Variants in SLC9A8 observed in about 807,000 individuals in gnomAD.
The protein encoded by SLC9A8 is sodium/hydrogen exchanger 8.
SLC9A8 carries 48 observed loss-of-function variants against 66.6 expected under a neutral mutation model. The observed-to-expected ratio is 0.72, with a 90% CI of 0.57 to 0.92. SLC9A8 has a LOEUF of 0.92. Among genes scored for constraint, SLC9A8 ranks in the 40% least tolerant of loss-of-function variants. The pLI is 0.00. For synonymous variants in SLC9A8, 274 were observed against 282.6 expected (o/e 0.97, Z 0.31); for missense variants, 599 against 747.3 (o/e 0.80, Z 2.31).
chr20:49,869,725 C>T (rs563082045), intron 10 of SLC9A8, among the ~76,000 whole-genome samples: 20 of 151,904 alleles, frequency 1.3e-4, no homozygotes, highest in South Asian at 1.0e-3. Flanking sequence ...CCCAGCTACT[C>T]GGCAGGCTGA....
chr20:49,866,267 A>T (rs2088960707), intron 10 of SLC9A8, among the ~76,000 whole-genome samples: 1 of 152,182 alleles, frequency 6.6e-6, no homozygotes, highest in African/African-American at 2.4e-5. Flanking sequence ...GCAGTAGTTT[A>T]TCGTTCTTAT....
intron 3 of SLC9A8, among the ~76,000 whole-genome samples, chr20:49,828,942 CATTT>C (rs2087041062): frequency 6.7e-6 from 1 of 150,100 alleles, no homozygotes; most frequent in Non-Finnish European, 1.5e-5. Context: ...TGTATGTATG[CATTT>C]ATTTCTTTTT....
chr20:49,855,061 T>G (rs2088414001), intron 7 of SLC9A8, among the ~76,000 whole-genome samples: 1 of 152,170 alleles, frequency 6.6e-6, no homozygotes, highest in Admixed American at 6.5e-5. Context: ...AAGGGGCTGG[T>G]GGCGAGGGGC....
intron 2 of SLC9A8, among the ~76,000 whole-genome samples, chr20:49,816,023 C>G (rs147616108): frequency 1.6e-4 from 24 of 152,220 alleles, no homozygotes; most frequent in Non-Finnish European, 2.6e-4. Context: ...TAACCTCTGT[C>G]ATTCTCATTA....
Position 49,886,868 on chromosome 20 carries a change from C to T in SLC9A8, c.1608C>T (p.Asn536=). The change falls in exon 15 of 16, where the codon AAC becomes AAT. Residue 536 remains asparagine (N), a synonymous_variant. Coordinates refer to ENST00000361573, the MANE Select transcript of SLC9A8 (RefSeq NM_015266.3). This position sits in a 1 kb window ranked among gnomAD's most constrained non-coding sequence, Gnocchi z 4.8. ...GFVWLDAKYL[N]PFFTRRLTQE... ...TGTGGCTGGACGCCAAGTACCTGAACCCCTTCTTCACTCGGAGGCTGACGC... is the reference window on the plus strand; with the variant it reads ...TGTGGCTGGACGCCAAGTACCTGAATCCCTTCTTCACTCGGAGGCTGACGC... 6.2e-7 allele frequency: 1 copy of T among 1,614,152 alleles called. No individual in the cohort carries two copies. Among genetic ancestry groups the T allele is most frequent in the African/African-American group, 1.3e-5 (1 of 75,050 alleles).
At chr20:49,884,336 A>ACACACAC (rs1568884621) in intron 14 of SLC9A8, among the ~76,000 whole-genome samples, 3 of 108,524 alleles carry the variant, frequency 2.8e-5, no homozygotes, top group South Asian at 3.1e-4. Context: ...ACACACACAC[A>ACACACAC]CCCCCCGGTC....
chr20:49,820,001 T>G (rs1403173356), intron 2 of SLC9A8, among the ~76,000 whole-genome samples: 1 of 152,202 alleles, frequency 6.6e-6, no homozygotes. Context: ...CTGTGAACAT[T>G]TGTGTATAGG....
chr20:49,861,261 C>T (rs141388469), intron 8 of SLC9A8, among the ~76,000 whole-genome samples: 89 of 152,228 alleles, frequency 5.8e-4, no homozygotes, highest in Non-Finnish European at 9.3e-4. Flanking sequence ...TCAGGTGTGC[C>T]TTTGAAAAGG....
intron 4 of SLC9A8, among the ~76,000 whole-genome samples, chr20:49,840,068 C>T (rs145530109): frequency 2.1e-3 from 312 of 152,184 alleles, no homozygotes; most frequent in East Asian, 9.3e-3. Context: ...ATCATCACCT[C>T]GTTTTTACAG....
At chr20:49,874,162 G>A (rs541528687) in intron 10 of SLC9A8, among the ~76,000 whole-genome samples, 2 of 151,984 alleles carry the variant, frequency 1.3e-5, no homozygotes, top group East Asian at 3.9e-4. Flanking sequence ...GCCGAGGCAG[G>A]AGGATCACAT....
rs1391816634 is a variant in SLC9A8, at chr20:49,890,823, G to T, written c.*2887G>T. On this transcript the variant is annotated 3_prime_UTR_variant, in exon 16 of 16. Coordinates refer to ENST00000361573, the MANE Select transcript of SLC9A8 (RefSeq NM_015266.3). ...TAAGCCAGCCACCCCTCTTCACAGTGGGTGAGCTGGGCTGGGCTGGCTGGC... is the reference window on the plus strand; with the variant it reads ...TAAGCCAGCCACCCCTCTTCACAGTTGGTGAGCTGGGCTGGGCTGGCTGGC... The T allele has an allele frequency of 6.6e-6, 1 of 152,306 alleles. No individual in the cohort carries two copies. Among genetic ancestry groups the T allele is most frequent in the East Asian group, 1.9e-4 (1 of 5,190 alleles). 9.4% of individuals were successfully genotyped at this position (152,306 alleles called of 1,614,324 possible).
At chr20:49,870,865 A>G (rs559818149) in intron 10 of SLC9A8, among the ~76,000 whole-genome samples, 9 of 151,738 alleles carry the variant, frequency 5.9e-5, no homozygotes, top group Non-Finnish European at 8.8e-5. Context: ...ACCACACCCA[A>G]CTAGTTTTGT....
Position 49,889,768 on chromosome 20 carries a change from G to T in SLC9A8, c.*1832G>T, listed in dbSNP as rs941037367. ...GACCTTTGCCTGCCCCTGGGCGAGT[G>T]CGGGCAGGGATCTGAGACCAGATTG... On this transcript the variant is annotated 3_prime_UTR_variant, in exon 16 of 16. Coordinates refer to ENST00000361573, the MANE Select transcript of SLC9A8 (RefSeq NM_015266.3). 6.6e-6 allele frequency: 1 copy of T among 152,146 alleles called. No homozygotes were observed. The highest frequency in any genetic ancestry group is 2.4e-5 in the African/African-American group (1 of 41,414). 9.4% of individuals were successfully genotyped at this position (152,146 alleles called of 1,614,324 possible).
intron 1 of SLC9A8, 97 bp downstream of exon 1, chr20:49,813,045 A>AG: frequency 9.7e-7 from 1 of 1,032,704 alleles, no homozygotes; most frequent in Non-Finnish European, 1.3e-6. Context: ...CGGAAGGCGG[A>AG]GCTTCTTTTG....
In SLC9A8 at chr20:49,873,700, G is replaced by A. The variant is rs187557191; in HGVS notation, c.959-1005G>A. On this transcript the variant is annotated intron_variant, in intron 10 of 15. Coordinates refer to ENST00000361573, the MANE Select transcript of SLC9A8 (RefSeq NM_015266.3). Reference sequence around the variant, plus strand: ...GCAGGAGAATTGCTTGAACCCAGGAGGGGGAGGTTGCAGTGAGTCGATTTC... The same window carrying A: ...GCAGGAGAATTGCTTGAACCCAGGAAGGGGAGGTTGCAGTGAGTCGATTTC... 8.7e-5 allele frequency among the ~76,000 whole-genome samples: 13 copies of A among 150,000 alleles called. No homozygotes were observed. In the East Asian group the frequency reaches 2.2e-3, roughly 25 times the overall value.
At position 49,855,507 on chromosome 20, in the gene SLC9A8, T is replaced by C. The variant is rs766435373; in HGVS notation, c.639T>C (p.His213=). 1.4e-5 allele frequency: 22 copies of C among 1,614,100 alleles called. No individual in the cohort carries two copies. The East Asian group carries it at 3.1e-4, about 23-fold the overall frequency. The change falls in exon 8 of 16, where the codon CAT becomes CAC. Residue 213 remains histidine, a synonymous_variant. Transcript: ENST00000361573. Reference sequence around the variant, plus strand: ...CTATTGCCATTTTCAATGCACTTCATGTGGACCCCGTGCTCAACATGCTGG... The same window carrying C: ...CTATTGCCATTTTCAATGCACTTCACGTGGACCCCGTGCTCAACATGCTGG... The part of the protein sequence containing the change: ...VATIAIFNAL[H]VDPVLNMLVF...
At chr20:49,823,367 A>G (rs948148647) in intron 3 of SLC9A8, among the ~76,000 whole-genome samples, 5 of 152,194 alleles carry the variant, frequency 3.3e-5, no homozygotes, top group African/African-American at 1.2e-4. Context: ...CCCAAAGGCC[A>G]TACAGCTCTG....
chr20:49,889,902 C>G lies in SLC9A8; in HGVS notation c.*1966C>G, dbSNP rs1019161922. ...TGCCAGGATTTCTTTCTTTCCTAATCTTAAATTCACAGATAAAGCAATGAA... is the reference window on the plus strand; with the variant it reads ...TGCCAGGATTTCTTTCTTTCCTAATGTTAAATTCACAGATAAAGCAATGAA... On this transcript the variant is annotated 3_prime_UTR_variant, in exon 16 of 16. Transcript: ENST00000361573. 2.6e-5 allele frequency: 4 copies of G among 152,000 alleles called. No homozygotes were observed. Among genetic ancestry groups the G allele is most frequent in the East Asian group, 1.9e-4 (1 of 5,190 alleles). 9.4% of individuals were successfully genotyped at this position (152,000 alleles called of 1,614,324 possible). A position where few individuals can be genotyped will look rare whatever the true frequency, so the allele number is the denominator to read the frequency against.
chr20:49,848,545 C>T (rs759569778), intron 5 of SLC9A8, among the ~76,000 whole-genome samples: 2 of 152,116 alleles, frequency 1.3e-5, no homozygotes, highest in Non-Finnish European at 2.9e-5. Flanking sequence ...CAACCACAAT[C>T]GGGGGTGATC....
Sources: gnomAD v4.1 joint callset for allele counts (sites outside exome capture counted in the v4.1 genomes callset) on GRCh38, gnomAD v4.1.1 for gene constraint, Gnocchi (gnomAD v3.1) non-coding constraint, MANE v1.5 for transcripts, NCBI Gene and HGNC (gene_info 2026-07-23, HGNC 2026-07-21) for gene names.